The following ECT2L variants were observed in gnomAD, a reference collection of about 807,000 sequenced individuals.
ECT2L encodes epithelial cell-transforming sequence 2 oncogene-like.
Under a neutral mutation model 122.8 loss-of-function variants are expected in ECT2L, and 126 were observed. The ratio of observed to expected loss-of-function variants is 1.03; its 90% CI spans 0.89 to 1.19. The LOEUF (loss-of-function observed/expected upper bound fraction) is 1.19. Ranked by LOEUF, ECT2L falls within the 50% of genes most tolerant of loss-of-function variation. The probability of loss-of-function intolerance (pLI) is 0.00; values close to 1 mark genes in which losing one functional copy is unlikely to be tolerated. For missense variants in ECT2L, 1,012 were observed against 1,064.1 expected (o/e 0.95, Z 0.68); for synonymous variants, 385 against 381.8 (o/e 1.01, Z -0.10).
At chr6:138,821,637 A>T (rs994230156) in intron 4 of ECT2L, among the ~76,000 whole-genome samples, 2 of 152,244 alleles carry the variant, frequency 1.3e-5, no homozygotes, top group African/African-American at 4.8e-5. Context: ...CATAAGGGTA[A>T]GTAAATGAAG....
chr6:138,828,894 G>A (rs1310120970), intron 4 of ECT2L, among the ~76,000 whole-genome samples: 4 of 152,060 alleles, frequency 2.6e-5, no homozygotes, highest in Non-Finnish European at 5.9e-5. Flanking sequence ...AAATTGTGTT[G>A]TTCCTGGCCA....
intron 1 of ECT2L, among the ~76,000 whole-genome samples, chr6:138,808,969 C>T (rs956772190): frequency 6.6e-6 from 1 of 152,146 alleles, no homozygotes; most frequent in Non-Finnish European, 1.5e-5. Flanking sequence ...TCAAGTGATC[C>T]ACCTGCCTTG....
Position 138,844,513 on chromosome 6 carries a change from C to A in ECT2L, c.697C>A (p.Arg233=). The A allele has an allele frequency of 8.7e-6, 14 of 1,614,052 alleles. No homozygotes were observed. Among genetic ancestry groups the A allele is most frequent in the Non-Finnish European group, 1.2e-5 (14 of 1,179,982 alleles). Residue 233 remains arginine (R), a synonymous_variant, in exon 7 of 22, where the codon CGA becomes AGA. Transcript: ENST00000541398. ...ACGCCTCTCCCAGACTGTAAGGGAG[C>A]GAGTGGGATTACATGAAGCTTTGGA... ...QPRLSQTVRE[R]VGLHEALEKQ...
At chr6:138,900,926 T>C in intron 20 of ECT2L, 22 bp from the exon 21 acceptor site, 1 of 1,608,578 alleles carries the variant, frequency 6.2e-7, no homozygotes, top group Non-Finnish European at 8.5e-7. Context: ...ATTAAAACTG[T>C]ACCTTCTCCA....
At chr6:138,887,620 C>T (rs1245788669) in intron 19 of ECT2L, among the ~76,000 whole-genome samples, 1 of 152,128 alleles carries the variant, frequency 6.6e-6, no homozygotes, top group Non-Finnish European at 1.5e-5. Context: ...CCTGTGTTAG[C>T]GACGTGTTAA....
At chr6:138,836,544 T>G (rs1348820171) in intron 4 of ECT2L, among the ~76,000 whole-genome samples, 1 of 152,022 alleles carries the variant, frequency 6.6e-6, no homozygotes, top group African/African-American at 2.4e-5. Flanking sequence ...CACCTCGGCC[T>G]CCCAAAGTGC....
At chr6:138,857,994 C>T (rs1777679202) in intron 10 of ECT2L, among the ~76,000 whole-genome samples, 1 of 152,096 alleles carries the variant, frequency 6.6e-6, no homozygotes, top group African/African-American at 2.4e-5. Context: ...CTTATAAAAC[C>T]ATCAGATCTC....
At chr6:138,889,177 G>GGAGTCCTCTGTA in intron 20 of ECT2L, 146 bp downstream of exon 20, 1 of 364,838 alleles carries the variant, frequency 2.7e-6, no homozygotes, top group Non-Finnish European at 5.0e-6. Flanking sequence ...AGTTACAGAG[G>GGAGTCCTCTGTA]ACTCCCTCTG....
chr6:138,834,578 G>A (rs1297321810), intron 4 of ECT2L, among the ~76,000 whole-genome samples: 2 of 152,068 alleles, frequency 1.3e-5, no homozygotes, highest in African/African-American at 4.8e-5. Context: ...TTGGAAAGGA[G>A]GCCGGAAACA....
At chr6:138,847,355 C>CTTTTTTTTTTTTTTTTTTTT (rs1170631663) in intron 8 of ECT2L, among the ~76,000 whole-genome samples, 1 of 54,956 alleles carries the variant, frequency 1.8e-5, no homozygotes, top group African/African-American at 8.1e-5. Context: ...AAGGCCCAAA[C>CTTTTTTTTTTTTTTTTTTTT]TTTTTTTTTT....
At chr6:138,860,577 A>G (rs1777790014) in intron 10 of ECT2L, among the ~76,000 whole-genome samples, 1 of 152,190 alleles carries the variant, frequency 6.6e-6, no homozygotes, top group African/African-American at 2.4e-5. Flanking sequence ...CAGTAATTGA[A>G]GCATTTTGGA....
At chr6:138,842,510 A>G (rs564143637) in intron 5 of ECT2L, among the ~76,000 whole-genome samples, 98 of 151,606 alleles carry the variant, frequency 6.5e-4, no homozygotes, top group African/African-American at 1.8e-3. Context: ...GGTGGTTCAC[A>G]CCTGTAATCC....
chr6:138,893,086 G>A (rs1249946901), intron 20 of ECT2L, among the ~76,000 whole-genome samples: 1 of 127,754 alleles, frequency 7.8e-6, no homozygotes, highest in Non-Finnish European at 1.5e-5. Flanking sequence ...TAAGATGTCA[G>A]AGGAGAAACA....
intron 20 of ECT2L, among the ~76,000 whole-genome samples, chr6:138,891,020 G>A (rs1779003775): frequency 6.6e-6 from 1 of 152,084 alleles, no homozygotes; most frequent in Admixed American, 6.6e-5. Context: ...TCGGCCAAGG[G>A]GATTCCAAAG....
chr6:138,857,644 C>G (rs1228388836), intron 10 of ECT2L, among the ~76,000 whole-genome samples: 2 of 152,126 alleles, frequency 1.3e-5, no homozygotes, highest in African/African-American at 4.8e-5. Context: ...CTTGGTGTCC[C>G]TAATACCACA....
chr6:138,864,951 A>C (rs1220083648), intron 11 of ECT2L, 45 bp from the exon 12 acceptor site: 1 of 1,562,150 alleles, frequency 6.4e-7, no homozygotes, highest in Admixed American at 1.8e-5. Context: ...GAATTGTTTC[A>C]TCTGAGCTCA....
At chr6:138,819,897 A>C (rs1583554888) in intron 4 of ECT2L, among the ~76,000 whole-genome samples, 2 of 152,046 alleles carry the variant, frequency 1.3e-5, no homozygotes, top group African/African-American at 2.4e-5. Context: ...CCAAAAAAAA[A>C]ACAAAAAACA....
chr6:138,835,945 C>G (rs974134955), intron 4 of ECT2L, among the ~76,000 whole-genome samples: 5 of 152,156 alleles, frequency 3.3e-5, no homozygotes, highest in African/African-American at 1.2e-4. Flanking sequence ...TGACTTGATA[C>G]TTTTGAAGAG....
At chr6:138,862,852 A>C in intron 11 of ECT2L, 133 bp downstream of exon 11, 1 of 637,520 alleles carries the variant, frequency 1.6e-6, no homozygotes, top group African/African-American at 1.8e-5. Flanking sequence ...CCCTGAAGGA[A>C]CGCTATTAGT....
Sources: gnomAD v4.1 joint callset for allele counts (sites outside exome capture counted in the v4.1 genomes callset) on GRCh38, gnomAD v4.1.1 for gene constraint, MANE v1.5 for transcripts, NCBI Gene and HGNC (gene_info 2026-07-23, HGNC 2026-07-21) for gene names.